Variants in HTR3C observed in about 807,000 individuals in gnomAD.
HTR3C encodes 5-hydroxytryptamine receptor 3C, also known as 5-HT3-C.
HTR3C carries 32 observed loss-of-function variants against 40.5 expected under a neutral mutation model. The observed-to-expected ratio is 0.79, with a 90% confidence interval of 0.60 to 1.06. The LOEUF (loss-of-function observed/expected upper bound fraction) is 1.06. HTR3C is among the 50% of genes least tolerant of loss of function. HTR3C has a pLI of 0.00. For missense variants in HTR3C, 523 were observed against 556.8 expected, an observed-to-expected ratio of 0.94 and a Z score of 0.61; for synonymous variants, 209 against 217.1, an observed-to-expected ratio of 0.96 and a Z score of 0.33.
chr3:184,054,660 G>A, intron 1 of HTR3C, 61 bp from the exon 2 acceptor site: 2 of 1,418,056 alleles, frequency 1.4e-6, no homozygotes, highest in African/African-American at 1.5e-5. Context: ...TTATCTCTCT[G>A]CAGAGAGACT....
chr3:184,054,964 G>A (rs888862315), intron 2 of HTR3C, 77 bp downstream of exon 2: 11 of 1,445,198 alleles, frequency 7.6e-6, no homozygotes, highest in Middle Eastern at 3.9e-4. Flanking sequence ...ACCCAACATG[G>A]CCCTGGCCCC....
Position 184,060,365 on chromosome 3 carries a change from C to A in HTR3C, c.*13C>A. On this transcript the variant is annotated 3_prime_UTR_variant, in exon 9 of 9. Transcript: ENST00000318351. ...CTGGAACACCTAGGCAGACATCCCCCCTCTCTGGCAAACAACAGCTTGGAG... is the reference window on the plus strand; with the variant it reads ...CTGGAACACCTAGGCAGACATCCCCACTCTCTGGCAAACAACAGCTTGGAG... 1.9e-6 allele frequency: 3 copies of A among 1,614,124 alleles called. No homozygotes were observed. Among genetic ancestry groups the A allele is most frequent in the Non-Finnish European group, 1.7e-6 (2 of 1,179,966 alleles).
At chr3:184,055,136 A>G (rs2108970775) in intron 2 of HTR3C, among the ~76,000 whole-genome samples, 176 bp from the exon 3 acceptor site, 1 of 152,362 alleles carries the variant, frequency 6.6e-6, no homozygotes, top group South Asian at 2.1e-4. Context: ...AGTAGTCTGT[A>G]TATTAATCAA....
At position 184,060,249 on chromosome 3, in the gene HTR3C, T is replaced by A; in HGVS notation, c.1241T>A (p.Leu414Gln). The A allele has an allele frequency of 6.2e-7, 1 of 1,614,162 alleles. No individual in the cohort carries two copies. The highest frequency in any genetic ancestry group is 8.5e-7 in the Non-Finnish European group (1 of 1,180,032). The change falls in exon 9 of 9, where the codon CTG (leucine) becomes CAG (glutamine). Residue 414 changes from leucine (L) to glutamine (Q), a missense_variant. Leu to Gln is a moderately radical substitution (Grantham distance 113). Transcript: ENST00000318351. ...TGGACAAAGACCCAGCTAATGGAGC[T>A]GTGGGTGCAGTTCAGCCACGCGATG... ...SGWTKTQLME[L>Q]WVQFSHAMDT...
chr3:184,055,556 A>C (rs1053178322), intron 3 of HTR3C, among the ~76,000 whole-genome samples, 200 bp downstream of exon 3: 2 of 152,078 alleles, frequency 1.3e-5, no homozygotes, highest in African/African-American at 4.8e-5. Context: ...TCTAATAAAA[A>C]TACAAAAATT....
chr3:184,055,974 TA>T (rs1470662967), intron 3 of HTR3C, among the ~76,000 whole-genome samples: 1 of 149,806 alleles, frequency 6.7e-6, no homozygotes, highest in Non-Finnish European at 1.5e-5. Context: ...AGGCCATATT[TA>T]ATATCTGCCT....
At chr3:184,057,517 G>A (rs113806084) in intron 5 of HTR3C, among the ~76,000 whole-genome samples, 2,633 of 152,266 alleles carry the variant, frequency 0.017, 69 homozygotes, top group African/African-American at 0.061. Flanking sequence ...GGCAGAACAC[G>A]AGGTCAGGAG....
At position 184,060,019 on chromosome 3, in the gene HTR3C, G is replaced by A; in HGVS notation, c.1117G>A (p.Gly373Ser). 1.9e-6 allele frequency: 3 copies of A among 1,613,784 alleles called. No homozygotes were observed. Among genetic ancestry groups the A allele is most frequent in the South Asian group, 1.1e-5 (1 of 91,062 alleles). ...TAPQKGNKGL[G>S]LTLTHLPGPK... ...GCCCCAGAAGGGAAATAAGGGCCTG[G>A]GTCTCACCCTCACCCACCTGCCTGG... The change falls in exon 8 of 9, where the codon GGT becomes AGT. Residue 373 changes from glycine (G) to serine (S), a missense_variant. Gly to Ser is a moderately conservative substitution (Grantham distance 56). Coordinates refer to ENST00000318351, the MANE Select transcript of HTR3C (RefSeq NM_130770.3).
At chr3:184,058,263 T>C (rs1723370497) in intron 5 of HTR3C, among the ~76,000 whole-genome samples, 164 bp from the exon 6 acceptor site, 1 of 152,154 alleles carries the variant, frequency 6.6e-6, no homozygotes, top group Admixed American at 6.5e-5. Flanking sequence ...CCCACACACA[T>C]ATGAATTGCT....
rs1560081270 is a variant in HTR3C, at chr3:184,057,020, A to C, written c.535A>C (p.Thr179Pro). The C allele has an allele frequency of 2.5e-6, 4 of 1,612,258 alleles. No homozygotes were observed. Among genetic ancestry groups the C allele is most frequent in the Non-Finnish European group, 3.4e-6 (4 of 1,178,876 alleles). Residue 179 changes from threonine (T) to proline (P), a missense_variant, in exon 5 of 9, where the codon ACC becomes CCC. Thr to Pro is a conservative substitution (Grantham distance 38). Coordinates refer to ENST00000318351, the MANE Select transcript of HTR3C (RefSeq NM_130770.3). ...TTTTGACCAACAGAACTGTACCTTCACCTTCAGTTCTTTCCTCTACACAGG... is the reference window on the plus strand; with the variant it reads ...TTTTGACCAACAGAACTGTACCTTCCCCTTCAGTTCTTTCCTCTACACAGG... ...FPFDQQNCTFTFSSFLYTVDS... is the reference protein window; with the variant it reads ...FPFDQQNCTFPFSSFLYTVDS...
chr3:184,056,571 A>G (rs913449490), intron 4 of HTR3C, among the ~76,000 whole-genome samples: 2 of 152,008 alleles, frequency 1.3e-5, no homozygotes, highest in Non-Finnish European at 2.9e-5. Flanking sequence ...ACATGGTGAA[A>G]CCCCCATCTC....
rs138533542 is a variant in HTR3C, at chr3:184,058,478, C to T, written c.611C>T (p.Thr204Met). ...AAGGAGGTGTGGGAGATCACAGACA[C>T]GTCTCGCAAAGTCATCCAAACCCAG... ...MDKEVWEITDTSRKVIQTQGE... is the reference protein window; with the variant it reads ...MDKEVWEITDMSRKVIQTQGE... Residue 204 changes from threonine to methionine, a missense_variant, in exon 6 of 9, where the codon ACG (threonine) becomes ATG (methionine). Coordinates refer to ENST00000318351, the MANE Select transcript of HTR3C (RefSeq NM_130770.3). 15 of 1,613,274 alleles carry T rather than the reference C, an allele frequency of 9.3e-6. No homozygotes were observed. The Admixed American group carries it at 1.3e-4, about 14-fold the overall frequency.
Position 184,059,625 on chromosome 3 carries a change from G to T in HTR3C, c.910G>T (p.Gly304Cys). ...LMMNDLLPASGTPLISVYFAL... is the reference protein window; with the variant it reads ...LMMNDLLPASCTPLISVYFAL... ...GATGAATGACTTGCTCCCTGCCAGT[G>T]GCACCCCCCTCATCAGTATGGCTCC... Residue 304 changes from glycine (G) to cysteine (C), a missense_variant, in exon 7 of 9, where the codon GGC (glycine) becomes TGC (cysteine). Transcript: ENST00000318351. 2 of 1,614,124 alleles carry T rather than the reference G, an allele frequency of 1.2e-6. No homozygotes were observed. The highest frequency in any genetic ancestry group is 8.5e-7 in the Non-Finnish European group (1 of 1,180,010).
chr3:184,056,755 C>T, intron 4 of HTR3C, 120 bp from the exon 5 acceptor site: 1 of 954,188 alleles, frequency 1.0e-6, no homozygotes, highest in Non-Finnish European at 1.5e-6. Context: ...TCAAAAACAA[C>T]AAAAAAATAA....
rs142232052 is a variant in HTR3C at position 184,060,287 on chromosome 3, T to A, written c.1279T>A (p.Phe427Ile). 1 of 1,614,158 alleles carries A rather than the reference T, an allele frequency of 6.2e-7. No homozygotes were observed. Among genetic ancestry groups the A allele is most frequent in the Admixed American group, 1.7e-5 (1 of 60,008 alleles). Reference sequence around the variant, plus strand: ...CAGCCACGCGATGGACACCCTGCTCTTCCGCCTCTACCTGCTCTTCATGGC... The same window carrying A: ...CAGCCACGCGATGGACACCCTGCTCATCCGCCTCTACCTGCTCTTCATGGC... Reference protein sequence around the residue: ...QFSHAMDTLLFRLYLLFMASS... With the variant: ...QFSHAMDTLLIRLYLLFMASS... Residue 427 changes from phenylalanine to isoleucine, a missense_variant, in exon 9 of 9, where the codon TTC becomes ATC. By Grantham distance (21) the Phe-to-Ile change is conservative. Transcript: ENST00000318351.
At chr3:184,054,463 T>A (rs1723282124) in intron 1 of HTR3C, among the ~76,000 whole-genome samples, 2 of 152,176 alleles carry the variant, frequency 1.3e-5, no homozygotes, top group Admixed American at 6.5e-5. Flanking sequence ...CAAGTTTTCA[T>A]ACAGATTTGG....
In HTR3C at chr3:184,060,247, G is replaced by T. The variant is rs560615310; in HGVS notation, c.1239G>T (p.Glu413Asp). 7 of 1,614,162 alleles carry T rather than the reference G, an allele frequency of 4.3e-6. No individual in the cohort carries two copies. The African/African-American group carries it at 6.7e-5, about 15-fold the overall frequency. The change falls in exon 9 of 9, where the codon GAG (glutamate) becomes GAT (aspartate). Residue 413 changes from glutamate (E) to aspartate (D), a missense_variant. Glu to Asp is a conservative substitution (Grantham distance 45). Coordinates refer to ENST00000318351, the MANE Select transcript of HTR3C (RefSeq NM_130770.3). ...GSGWTKTQLMELWVQFSHAMD... is the reference protein window; with the variant it reads ...GSGWTKTQLMDLWVQFSHAMD... ...GATGGACAAAGACCCAGCTAATGGA[G>T]CTGTGGGTGCAGTTCAGCCACGCGA...
chr3:184,059,385 T>C (rs753381285), intron 6 of HTR3C, 51 bp from the exon 7 acceptor site: 13 of 1,531,870 alleles, frequency 8.5e-6, no homozygotes, highest in South Asian at 3.4e-5. Context: ...GATATACAAA[T>C]TGAGCCCTCT....
chr3:184,059,336 C>T, intron 6 of HTR3C, 100 bp from the exon 7 acceptor site: 15 of 1,050,356 alleles, frequency 1.4e-5, no homozygotes, highest in Non-Finnish European at 2.2e-5. Context: ...AAGATCGTCC[C>T]CAGCAGCCTC....
Sources: gnomAD v4.1 joint callset for allele counts (sites outside exome capture counted in the v4.1 genomes callset) on GRCh38, gnomAD v4.1.1 for gene constraint, MANE v1.5 for transcripts, NCBI Gene and HGNC (gene_info 2026-07-23, HGNC 2026-07-21) for gene names.